ZNF597: variants seen among roughly 807,000 people sequenced by gnomAD.
ZNF597 encodes the protein zinc finger protein 597.
Under a neutral mutation model 7.3 loss-of-function variants are expected in ZNF597, and 5 were observed. That is an observed-to-expected ratio of 0.68 (90% CI 0.36 to 1.44). The LOEUF (loss-of-function observed/expected upper bound fraction) is 1.44, where lower values mean the gene tolerates loss of function less well. ZNF597 is among the 40% of genes most tolerant of loss of function. ZNF597 has a pLI of 0.04. For synonymous variants in ZNF597, 209 were observed against 185.4 expected, an observed-to-expected ratio of 1.13 and a Z score of -1.04; for missense variants, 585 against 517.9, an observed-to-expected ratio of 1.13 and a Z score of -1.26.
At position 3,436,462 on chromosome 16, in the gene ZNF597, T is replaced by TG. The variant is rs2034300984; in HGVS notation, c.1236dup (p.Ile413HisfsTer4). 2 of 1,612,978 alleles carry TG rather than the reference T, an allele frequency of 1.2e-6. No individual in the cohort carries two copies. Among genetic ancestry groups the TG allele is most frequent in the African/African-American group, 1.3e-5 (1 of 75,034 alleles). On this transcript the variant is annotated frameshift_variant, in exon 4 of 4. Coordinates refer to ENST00000301744, the MANE Select transcript of ZNF597 (RefSeq NM_152457.3). LOFTEE classifies it low-confidence loss of function (END_TRUNC). ...TTTATGTGAGTTCGCTTATGAGTAA[T>TG]GAGATGCAAATTCGACTTGAAAGTT...
intron 3 of ZNF597, among the ~76,000 whole-genome samples, chr16:3,439,845 C>T (rs964940206): frequency 1.3e-5 from 2 of 151,660 alleles, no homozygotes; most frequent in African/African-American, 4.9e-5. Context: ...AGAAACAGAC[C>T]CAGAAATGAC....
Position 3,433,335 on chromosome 16 carries a change from G to A in ZNF597, c.*3089C>T, listed in dbSNP as rs370671763. 6.6e-6 allele frequency: 1 copy of A among 152,112 alleles called. No homozygotes were observed. Among genetic ancestry groups the A allele is most frequent in the Non-Finnish European group, 1.5e-5 (1 of 68,036 alleles). 9.4% of individuals were successfully genotyped at this position (152,112 alleles called of 1,614,324 possible). A position where few individuals can be genotyped will look rare whatever the true frequency, so the allele number is the denominator to read the frequency against. ...ATCAATGACGACTGTTTAAAAGACT[G>A]TTTAACTATTCCAGCAATCATGTTA... On this transcript the variant is annotated 3_prime_UTR_variant, in exon 4 of 4. Coordinates refer to ENST00000301744, the MANE Select transcript of ZNF597 (RefSeq NM_152457.3).
chr16:3,439,160 C>T (rs1196021947), intron 3 of ZNF597, among the ~76,000 whole-genome samples: 2 of 152,018 alleles, frequency 1.3e-5, no homozygotes, highest in Non-Finnish European at 1.5e-5. Flanking sequence ...GGGAGAATTG[C>T]TTGAGCCACG....
Position 3,443,178 on chromosome 16 carries a change from C to T in ZNF597, c.-25G>A, listed in dbSNP as rs552372225. 2.3e-5 allele frequency: 37 copies of T among 1,608,986 alleles called. No individual in the cohort carries two copies. In the African/African-American group the frequency reaches 4.7e-4, roughly 20 times the overall value. Reference sequence around the variant, plus strand: ...TTTGGCGGGTGGGGAATGCCTTCTTCAAGACGCCACAGGGACTTCGTGACA... The same window carrying T: ...TTTGGCGGGTGGGGAATGCCTTCTTTAAGACGCCACAGGGACTTCGTGACA... On this transcript the variant is annotated 5_prime_UTR_variant, in exon 2 of 4. It removes the in-frame stop codon of an upstream open reading frame in the 5' UTR. Coordinates refer to ENST00000301744, the MANE Select transcript of ZNF597 (RefSeq NM_152457.3).
intron 3 of ZNF597, among the ~76,000 whole-genome samples, chr16:3,438,741 G>A (rs1224675645): frequency 6.6e-6 from 1 of 152,178 alleles, no homozygotes; most frequent in Non-Finnish European, 1.5e-5. Context: ...AAGGCTGTGT[G>A]TACTGCATGA....
rs1004127254 is a variant in ZNF597 at position 3,440,882 on chromosome 16, C to A, written c.85G>T (p.Val29Leu). The A allele has an allele frequency of 1.2e-6, 2 of 1,613,896 alleles. No homozygotes were observed. The highest frequency in any genetic ancestry group is 2.7e-5 in the African/African-American group (2 of 74,918). ...GACCTCTGGGCAGGGTGCAGAGTCACGCACTCCTCTTGAGAAAAATACACA... is the reference window on the plus strand; with the variant it reads ...GACCTCTGGGCAGGGTGCAGAGTCAAGCACTCCTCTTGAGAAAAATACACA... ...LAVYFSQEECVTLHPAQRSLS... is the reference protein window; with the variant it reads ...LAVYFSQEECLTLHPAQRSLS... The change falls in exon 3 of 4, where the codon GTG becomes TTG. Residue 29 changes from valine to leucine, a missense_variant. By Grantham distance (32) the Val-to-Leu change is conservative. Coordinates refer to ENST00000301744, the MANE Select transcript of ZNF597 (RefSeq NM_152457.3).
At position 3,443,031 on chromosome 16, in the gene ZNF597, A is replaced by T. The variant is rs960752447; in HGVS notation, c.33+90T>A. ...GGGGCTCAGGAGCACTCCTACCACA[A>T]CAGGCATGCCCAACTCTCCTCCAAA... On this transcript the variant is annotated intron_variant, in intron 2 of 3. Transcript: ENST00000301744. The T allele has an allele frequency of 2.6e-5, 39 of 1,526,558 alleles. No homozygotes were observed. The Middle Eastern group carries it at 5.1e-4, about 20-fold the overall frequency. 94.6% of individuals were successfully genotyped at this position (1,526,558 alleles called of 1,614,324 possible). A position where few individuals can be genotyped will look rare whatever the true frequency, so the allele number is the denominator to read the frequency against.
chr16:3,442,066 C>T (rs2034387488), intron 2 of ZNF597, among the ~76,000 whole-genome samples: 1 of 151,946 alleles, frequency 6.6e-6, no homozygotes, highest in South Asian at 2.1e-4. Flanking sequence ...ATTCTCCCAA[C>T]ATCCTTCCCT....
chr16:3,436,527 T>C lies in ZNF597; in HGVS notation c.1172A>G (p.His391Arg). The change falls in exon 4 of 4, where the codon CAC (histidine) becomes CGC (arginine). Residue 391 changes from histidine to arginine, a missense_variant. Coordinates refer to ENST00000301744, the MANE Select transcript of ZNF597 (RefSeq NM_152457.3). Reference protein sequence around the residue: ...DSELACHQKSHMLAEPFKCTV... With the variant: ...DSELACHQKSRMLAEPFKCTV... ...ACATTTAAAAGGTTCCGCTAGCATG[T>C]GGCTCTTCTGGTGGCATGCAAGTTC... 1.2e-6 allele frequency: 2 copies of C among 1,614,208 alleles called. No homozygotes were observed. Among genetic ancestry groups the C allele is most frequent in the Non-Finnish European group, 1.7e-6 (2 of 1,180,016 alleles).
Position 3,434,936 on chromosome 16 carries a change from T to C in ZNF597, c.*1488A>G, listed in dbSNP as rs1002730796. 3.3e-5 allele frequency: 5 copies of C among 152,216 alleles called. No individual in the cohort carries two copies. The highest frequency in any genetic ancestry group is 9.6e-5 in the African/African-American group (4 of 41,456). 9.4% of individuals were successfully genotyped at this position (152,216 alleles called of 1,614,324 possible). A position where few individuals can be genotyped will look rare whatever the true frequency, so the allele number is the denominator to read the frequency against. Reference sequence around the variant, plus strand: ...GCATACAATCGACTTTAATGAGAAATTGTATATGAATCTATATTTACAACA... The same window carrying C: ...GCATACAATCGACTTTAATGAGAAACTGTATATGAATCTATATTTACAACA... On this transcript the variant is annotated 3_prime_UTR_variant, in exon 4 of 4. Coordinates refer to ENST00000301744, the MANE Select transcript of ZNF597 (RefSeq NM_152457.3).
chr16:3,440,649 T>C (rs1003627482), intron 3 of ZNF597, among the ~76,000 whole-genome samples, 158 bp downstream of exon 3: 1 of 151,270 alleles, frequency 6.6e-6, no homozygotes, highest in African/African-American at 2.4e-5. Context: ...AAAAAAATCA[T>C]CTCATATTTT....
In ZNF597 at chr16:3,436,503, C is replaced by T. The variant is rs773564924; in HGVS notation, c.1196G>A (p.Cys399Tyr). ...KSHMLAEPFK[C>Y]TVCGKTFKSN... ...CTTGAAAGTTTTCCCACACACGGTA[C>T]ATTTAAAAGGTTCCGCTAGCATGTG... is the stretch of plus-strand genomic sequence containing the variant. Residue 399 changes from cysteine to tyrosine, a missense_variant, in exon 4 of 4, where the codon TGT becomes TAT. Physicochemically the swap from Cys to Tyr is radical, Grantham distance 194. Transcript: ENST00000301744. 3 of 1,614,192 alleles carry T rather than the reference C, an allele frequency of 1.9e-6. No homozygotes were observed. The East Asian group carries it at 6.7e-5, about 36-fold the overall frequency.
chr16:3,438,426 G>T (rs1026283925), intron 3 of ZNF597, among the ~76,000 whole-genome samples: 5 of 151,836 alleles, frequency 3.3e-5, no homozygotes, highest in African/African-American at 1.2e-4. Context: ...AGCTGGGCGT[G>T]GTGGCCTGCG....
Position 3,443,424 on chromosome 16 carries a change from G to C in ZNF597, c.-118C>G, listed in dbSNP as rs570461684. ...GAGCTGCAGAAAGCGACGCCCGACC[G>C]AGACGCGACGAAGAACGCCACGGCC... On this transcript the variant is annotated 5_prime_UTR_variant, in exon 1 of 4. Coordinates refer to ENST00000301744, the MANE Select transcript of ZNF597 (RefSeq NM_152457.3). 5 of 522,572 alleles carry C rather than the reference G, an allele frequency of 9.6e-6. No homozygotes were observed. The Admixed American group carries it at 1.5e-4, about 16-fold the overall frequency. The allele number at this position is 522,572 out of a possible 1,614,324, so 32.4% of individuals were successfully genotyped here. A position where few individuals can be genotyped will look rare whatever the true frequency, so the allele number is the denominator to read the frequency against.
chr16:3,438,569 AAATAAT>A (rs1034601791), intron 3 of ZNF597, among the ~76,000 whole-genome samples: 4 of 151,834 alleles, frequency 2.6e-5, no homozygotes, highest in East Asian at 3.9e-4. Flanking sequence ...TCTCAAAAAA[AAATAAT>A]AATAATAATT....
Position 3,436,845 on chromosome 16 carries a change from A to C in ZNF597, c.854T>G (p.Leu285Trp). Reference protein sequence around the residue: ...KHFNEKPNLALPEETFVSGPQ... With the variant: ...KHFNEKPNLAWPEETFVSGPQ... ...GCCTGATACGAATGTTTCCTCAGGCAAAGCAAGATTTGGTTTCTCATTAAA... is the reference window on the plus strand; with the variant it reads ...GCCTGATACGAATGTTTCCTCAGGCCAAGCAAGATTTGGTTTCTCATTAAA... The change falls in exon 4 of 4, where the codon TTG (leucine) becomes TGG (tryptophan). Residue 285 changes from leucine to tryptophan, a missense_variant. Coordinates refer to ENST00000301744, the MANE Select transcript of ZNF597 (RefSeq NM_152457.3). 1 of 1,614,112 alleles carries C rather than the reference A, an allele frequency of 6.2e-7. No individual in the cohort carries two copies. The highest frequency in any genetic ancestry group is 8.5e-7 in the Non-Finnish European group (1 of 1,180,050).
chr16:3,437,444 G>T lies in ZNF597; in HGVS notation c.255C>A (p.Pro85=), dbSNP rs912725557. 5.6e-6 allele frequency: 9 copies of T among 1,614,162 alleles called. No homozygotes were observed. The highest frequency in any genetic ancestry group is 7.6e-6 in the Non-Finnish European group (9 of 1,180,038). Residue 85 remains proline (P), a synonymous_variant, in exon 4 of 4, where the codon CCC becomes CCA. Transcript: ENST00000301744. ...LALEKYPIAA[P]LVPYPEKSSE... ...AGGATTTTTCTGGGTAAGGGACAAG[G>T]GGTGCAGCAATGGGGTACTTTTCTA...
Position 3,438,856 on chromosome 16 carries a change from G to T in ZNF597, c.161-1318C>A, listed in dbSNP as rs566745740. Among the ~76,000 whole-genome samples, 73 of 152,146 alleles carry T rather than the reference G, an allele frequency of 4.8e-4. 1 individual carries two copies. In the South Asian group the frequency reaches 0.015, roughly 31 times the overall value. Reference sequence around the variant, plus strand: ...ATAAAGCAAATATATCAATACAAAAGGAACTTTTCTTTCCAGAGAAACAAA... The same window carrying T: ...ATAAAGCAAATATATCAATACAAAATGAACTTTTCTTTCCAGAGAAACAAA... On this transcript the variant is annotated intron_variant, in intron 3 of 3. Coordinates refer to ENST00000301744, the MANE Select transcript of ZNF597 (RefSeq NM_152457.3).
In ZNF597 at chr16:3,440,800, G is replaced by C. The variant is rs2034358882; in HGVS notation, c.160+7C>G. ...AGTTCCAGATGCAGGAAAAACAATTGCCTTACCCATCAAAGCCGCATCCTC... is the reference window on the plus strand; with the variant it reads ...AGTTCCAGATGCAGGAAAAACAATTCCCTTACCCATCAAAGCCGCATCCTC... On this transcript the variant is annotated splice_region_variant and intron_variant, in intron 3 of 3. Coordinates refer to ENST00000301744, the MANE Select transcript of ZNF597 (RefSeq NM_152457.3). 5.6e-6 allele frequency: 9 copies of C among 1,612,980 alleles called. No homozygotes were observed. Among genetic ancestry groups the C allele is most frequent in the Non-Finnish European group, 5.9e-6 (7 of 1,179,622 alleles).
Sources: allele counts gnomAD v4.1 joint callset (sites outside exome capture counted in the v4.1 genomes callset), GRCh38; gene constraint gnomAD v4.1.1; transcripts MANE v1.5; gene names NCBI Gene and HGNC (gene_info 2026-07-23, HGNC 2026-07-21).